Variants in EHMT1 observed in about 807,000 individuals in gnomAD.
EHMT1 encodes the protein euchromatic histone lysine methyltransferase 1.
EHMT1 carries 15 observed loss-of-function variants against 147.2 expected under a neutral mutation model. That is an observed-to-expected ratio of 0.10 (90% CI 0.07 to 0.16). The LOEUF is 0.16. Among genes scored for constraint, EHMT1 ranks in the 10% least tolerant of loss-of-function variants. The pLI is 1.00. For missense variants in EHMT1, 1,587 were observed against 1,772.4 expected (o/e 0.90, Z 1.88); for synonymous variants, 795 against 709.6 (o/e 1.12, Z -1.91).
chr9:137,736,469 A>G (rs1947537997), intron 4 of EHMT1, among the ~76,000 whole-genome samples: 1 of 152,286 alleles, frequency 6.6e-6, no homozygotes, highest in African/African-American at 2.4e-5. Flanking sequence ...TAAGCCAACT[A>G]GATTTAGCAG....
rs1944168748 is a variant in EHMT1 at position 137,705,267 on chromosome 9, A to G, written c.22-5700A>G. Among the ~76,000 whole-genome samples the G allele has an allele frequency of 2.0e-5, 3 of 152,202 alleles. No homozygotes were observed. The South Asian group carries it at 6.2e-4, about 31-fold the overall frequency. ...CTTGACCTCTCAAAATGCTGGGATC[A>G]CAGGCATGAGCCACTACACCGGCCT... On this transcript the variant is annotated intron_variant, in intron 1 of 26. Coordinates refer to ENST00000460843, the MANE Select transcript of EHMT1 (RefSeq NM_024757.5).
At chr9:137,721,088 C>T (rs1052388137) in intron 3 of EHMT1, among the ~76,000 whole-genome samples, 3 of 151,882 alleles carry the variant, frequency 2.0e-5, no homozygotes, top group Non-Finnish European at 4.4e-5. Context: ...TTCCTCGAGG[C>T]TTCAGCGTGC....
chr9:137,817,420 A>G lies in EHMT1; in HGVS notation c.3375-19A>G, dbSNP rs1322034275. On this transcript the variant is annotated intron_variant, in intron 23 of 26. Coordinates refer to ENST00000460843, the MANE Select transcript of EHMT1 (RefSeq NM_024757.5). The stretch of plus-strand genomic sequence containing the variant: ...GCTGAGGCTGTGGCCTGGGTTCACC[A>G]CTACTCTCTATTTTTCAGGGCAAGG... 1 of 1,612,442 alleles carries G rather than the reference A, an allele frequency of 6.2e-7. No homozygotes were observed. Among genetic ancestry groups the G allele is most frequent in the East Asian group, 2.2e-5 (1 of 44,872 alleles).
At chr9:137,620,991 C>A (rs1273103324) in intron 1 of EHMT1, among the ~76,000 whole-genome samples, 1 of 152,108 alleles carries the variant, frequency 6.6e-6, no homozygotes, top group South Asian at 2.1e-4. Flanking sequence ...GTACTGTTAC[C>A]TCCCCGTTTA....
At chr9:137,670,619 C>T (rs1940478149) in intron 1 of EHMT1, among the ~76,000 whole-genome samples, 1 of 152,216 alleles carries the variant, frequency 6.6e-6, no homozygotes, top group Non-Finnish European at 1.5e-5. Flanking sequence ...TCTCTTCTGA[C>T]TGGTTTCCCT....
intron 1 of EHMT1, chr9:137,665,974 T>C (rs1939603807): frequency 6.6e-6 from 1 of 152,252 alleles, no homozygotes; most frequent in Non-Finnish European, 1.5e-5. Context: ...GTGATTTCTC[T>C]GCAGTTGGCC....
Position 137,678,155 on chromosome 9 carries a change from A to T in EHMT1, c.22-32812A>T, listed in dbSNP as rs571181979. Among the ~76,000 whole-genome samples the T allele has an allele frequency of 4.6e-5, 7 of 152,338 alleles. No individual in the cohort carries two copies. In the East Asian group the frequency reaches 1.4e-3, roughly 29 times the overall value. On this transcript the variant is annotated intron_variant, in intron 1 of 26. Coordinates refer to ENST00000460843, the MANE Select transcript of EHMT1 (RefSeq NM_024757.5). ...ATTAAAAACTAGTATATAATCCACTAATATAAAAAATCTGTAAGGGATATA... is the reference window on the plus strand; with the variant it reads ...ATTAAAAACTAGTATATAATCCACTTATATAAAAAATCTGTAAGGGATATA...
At chr9:137,701,451 T>TTTTTA (rs991159095) in intron 1 of EHMT1, among the ~76,000 whole-genome samples, 3 of 151,100 alleles carry the variant, frequency 2.0e-5, no homozygotes, top group South Asian at 2.1e-4. Context: ...ACCTGGCTAA[T>TTTTTA]TTTTATTTTA....
At chr9:137,827,471 C>G (rs1955887103) in intron 25 of EHMT1, among the ~76,000 whole-genome samples, 1 of 152,196 alleles carries the variant, frequency 6.6e-6, no homozygotes, top group African/African-American at 2.4e-5. Context: ...CCCCTGTCCA[C>G]CTGAGCGCCA....
At chr9:137,755,535 C>T (rs1274588847) in intron 8 of EHMT1, among the ~76,000 whole-genome samples, 1 of 152,190 alleles carries the variant, frequency 6.6e-6, no homozygotes, top group Non-Finnish European at 1.5e-5. Context: ...TGGCCGTGAA[C>T]ATTTGTGTGC....
At chr9:137,827,001 T>C (rs1264655893) in intron 25 of EHMT1, among the ~76,000 whole-genome samples, 1 of 152,232 alleles carries the variant, frequency 6.6e-6, no homozygotes, top group African/African-American at 2.4e-5. Context: ...GACTCGCTTG[T>C]CATGTTGGCC....
chr9:137,793,776 A>G (rs535036332), intron 16 of EHMT1, among the ~76,000 whole-genome samples: 1 of 152,348 alleles, frequency 6.6e-6, no homozygotes, highest in African/African-American at 2.4e-5. Context: ...GCTGAGGGAA[A>G]GAAGCCAGGC....
chr9:137,670,154 C>CCAGCCTAATTTTTTTATTT (rs1449535874), intron 1 of EHMT1, among the ~76,000 whole-genome samples: 1 of 152,218 alleles, frequency 6.6e-6, no homozygotes. Flanking sequence ...GCCACCGCGC[C>CCAGCCTAATTTTTTTATTT]TGGGCTGAAA....
chr9:137,685,178 T>C (rs976012547), intron 1 of EHMT1: 1 of 152,194 alleles, frequency 6.6e-6, no homozygotes. Flanking sequence ...ATAACAACCA[T>C]TGTAACCGTC....
chr9:137,741,780 A>C (rs1047947864), intron 4 of EHMT1, among the ~76,000 whole-genome samples: 1 of 152,136 alleles, frequency 6.6e-6, no homozygotes, highest in Non-Finnish European at 1.5e-5. Flanking sequence ...TGTATTTTCA[A>C]CCTGTTTGGT....
intron 1 of EHMT1, among the ~76,000 whole-genome samples, chr9:137,632,429 GCT>G (rs1843693501): frequency 6.6e-6 from 1 of 152,118 alleles, no homozygotes; most frequent in Non-Finnish European, 1.5e-5. Context: ...TCTGAGTTGT[GCT>G]CTTTTTTTTG....
rs558556564 is a variant in EHMT1, at chr9:137,719,779, C to T, written c.642+2597C>T. On this transcript the variant is annotated intron_variant, in intron 3 of 26. Coordinates refer to ENST00000460843, the MANE Select transcript of EHMT1 (RefSeq NM_024757.5). ...GTGCAGGGTGTTCTGTGCAGTTTACCGTGTGTGGATGTGTGGAAACACCAC... is the reference window on the plus strand; with the variant it reads ...GTGCAGGGTGTTCTGTGCAGTTTACTGTGTGTGGATGTGTGGAAACACCAC... Among the ~76,000 whole-genome samples the T allele has an allele frequency of 5.9e-5, 9 of 152,196 alleles. No homozygotes were observed. In the East Asian group the frequency reaches 7.7e-4, roughly 13 times the overall value.
At chr9:137,812,752 T>C (rs761125968) in intron 19 of EHMT1, among the ~76,000 whole-genome samples, 1 of 152,192 alleles carries the variant, frequency 6.6e-6, no homozygotes. Flanking sequence ...CGCCCTGGAT[T>C]TTACACTCTT....
intron 1 of EHMT1, among the ~76,000 whole-genome samples, chr9:137,669,319 A>T (rs1429362623): frequency 3.5e-5 from 5 of 141,780 alleles, no homozygotes; most frequent in Admixed American, 7.3e-5. Context: ...CCCTGGAAAG[A>T]CGCCCCCACA....
Sources: gnomAD v4.1 joint callset for allele counts (sites outside exome capture counted in the v4.1 genomes callset) on GRCh38, gnomAD v4.1.1 for gene constraint, MANE v1.5 for transcripts, NCBI Gene and HGNC (gene_info 2026-07-23, HGNC 2026-07-21) for gene names.